SPAG16: variants seen among roughly 807,000 people sequenced by gnomAD.
The protein encoded by SPAG16 is sperm-associated antigen 16 protein.
A neutral mutation model predicts 80.4 loss-of-function variants in SPAG16; 86 were observed. That is an observed-to-expected ratio of 1.07 (90% CI 0.90 to 1.28). SPAG16 has a LOEUF of 1.28. Ranked by LOEUF, SPAG16 falls within the 50% of genes most tolerant of loss-of-function variation. The pLI, the probability that SPAG16 is intolerant of heterozygous loss-of-function variation, is 0.00. For missense variants in SPAG16, 870 were observed against 765.3 expected (o/e 1.14, Z -1.61); for synonymous variants, 294 against 265.9 (o/e 1.11, Z -1.03).
intron 15 of SPAG16, among the ~76,000 whole-genome samples, chr2:214,169,654 CT>C (rs1484075275): frequency 2.0e-5 from 3 of 152,152 alleles, no homozygotes; most frequent in African/African-American, 7.2e-5. Context: ...TACATATTCT[CT>C]TCTTAGAGAC....
chr2:214,059,434 C>T (rs1484114755), intron 13 of SPAG16, among the ~76,000 whole-genome samples: 1 of 151,014 alleles, frequency 6.6e-6, no homozygotes, highest in East Asian at 1.9e-4. Flanking sequence ...GGATCTGTTT[C>T]TTATGATTAT....
chr2:213,863,244 C>G (rs1271691827), intron 11 of SPAG16, among the ~76,000 whole-genome samples: 1 of 152,142 alleles, frequency 6.6e-6, no homozygotes, highest in African/African-American at 2.4e-5. Flanking sequence ...ATCCTGTTTT[C>G]TGCTCATCAT....
chr2:214,048,488 G>A (rs2049460750), intron 13 of SPAG16, among the ~76,000 whole-genome samples: 1 of 151,964 alleles, frequency 6.6e-6, no homozygotes, highest in Non-Finnish European at 1.5e-5. Flanking sequence ...TCACTTACTT[G>A]TGGAAGCTAA....
At chr2:214,037,532 C>T (rs2048761504) in intron 13 of SPAG16, among the ~76,000 whole-genome samples, 1 of 152,046 alleles carries the variant, frequency 6.6e-6, no homozygotes, top group African/African-American at 2.4e-5. Context: ...TGTATAATAT[C>T]TACCTTACTG....
chr2:214,292,540 T>G (rs897372812), intron 15 of SPAG16, among the ~76,000 whole-genome samples: 2 of 152,178 alleles, frequency 1.3e-5, no homozygotes, highest in Non-Finnish European at 2.9e-5. Context: ...AAATTTCTCA[T>G]TCATATCCTG....
intron 13 of SPAG16, among the ~76,000 whole-genome samples, chr2:214,066,674 A>G (rs1201519331): frequency 1.3e-5 from 2 of 152,190 alleles, no homozygotes; most frequent in Non-Finnish European, 2.9e-5. Flanking sequence ...AAAAACACTC[A>G]ATAAACTCAA....
rs1429971208 is a variant in SPAG16, at chr2:213,645,723, G to A, written c.1070+155633G>A. Among the ~76,000 whole-genome samples, 5 of 152,116 alleles carry A rather than the reference G, an allele frequency of 3.3e-5. No homozygotes were observed. The South Asian group carries it at 8.3e-4, about 25-fold the overall frequency. On this transcript the variant is annotated intron_variant, in intron 10 of 15. Coordinates refer to ENST00000331683, the MANE Select transcript of SPAG16 (RefSeq NM_024532.5). ...CTCTGCAACTTGGGGATTAGGGGAG[G>A]GGTGATGCCAGCTCTCCCTTGGCTG...
chr2:213,827,624 A>G (rs2073382044), intron 10 of SPAG16, among the ~76,000 whole-genome samples: 1 of 152,064 alleles, frequency 6.6e-6, no homozygotes, highest in Non-Finnish European at 1.5e-5. Flanking sequence ...TGACCTTTGT[A>G]TCTTCAGATG....
At chr2:213,717,360 C>T (rs1214632089) in intron 10 of SPAG16, among the ~76,000 whole-genome samples, 4 of 151,984 alleles carry the variant, frequency 2.6e-5, no homozygotes, top group South Asian at 2.1e-4. Flanking sequence ...CAGGGTTTCA[C>T]CATGTTAGCC....
intron 12 of SPAG16, among the ~76,000 whole-genome samples, chr2:213,991,907 T>C (rs1181476112): frequency 3.3e-5 from 5 of 150,988 alleles, no homozygotes; most frequent in African/African-American, 9.8e-5. Context: ...GTTTCAGTGA[T>C]TCACGGGCAC....
chr2:213,354,133 G>A (rs895344999), intron 7 of SPAG16, among the ~76,000 whole-genome samples: 1 of 152,170 alleles, frequency 6.6e-6, no homozygotes, highest in African/African-American at 2.4e-5. Flanking sequence ...AGAACATGCG[G>A]TGTTTGGTTT....
rs184414960 is a variant in SPAG16, at chr2:214,222,371, C to T, written c.1720+73105C>T. Among the ~76,000 whole-genome samples, 753 of 152,142 alleles carry T rather than the reference C, an allele frequency of 4.9e-3. 5 individuals are homozygous for T. The highest frequency in any genetic ancestry group is 0.017 in the African/African-American group (712 of 41,526). Reference sequence around the variant, plus strand: ...ACCTCAGGTGATCCACCCGCCTTGGCCTCCCAAAGTGCTGAGATTACAGGC... The same window carrying T: ...ACCTCAGGTGATCCACCCGCCTTGGTCTCCCAAAGTGCTGAGATTACAGGC... On this transcript the variant is annotated intron_variant, in intron 15 of 15. Transcript: ENST00000331683.
intron 14 of SPAG16, among the ~76,000 whole-genome samples, chr2:214,109,735 A>T (rs16851496): frequency 1.3e-5 from 2 of 152,124 alleles, no homozygotes; most frequent in East Asian, 3.9e-4. Context: ...AATTTTCTGT[A>T]GTGAGCCAAT....
At chr2:213,885,890 G>A (rs1033838079) in intron 11 of SPAG16, among the ~76,000 whole-genome samples, 1 of 152,114 alleles carries the variant, frequency 6.6e-6, no homozygotes, top group African/African-American at 2.4e-5. Flanking sequence ...CTGAGATTCT[G>A]AATTACATAT....
intron 10 of SPAG16, among the ~76,000 whole-genome samples, chr2:213,496,957 T>C (rs1316659413): frequency 1.3e-5 from 2 of 151,714 alleles, no homozygotes; most frequent in African/African-American, 2.4e-5. Context: ...GCCAAGTCTA[T>C]ATTTAAATTT....
chr2:213,724,311 A>G (rs1036428544), intron 10 of SPAG16, among the ~76,000 whole-genome samples: 29 of 152,354 alleles, frequency 1.9e-4, no homozygotes, highest in South Asian at 1.9e-3. Flanking sequence ...GGAGTAAAAC[A>G]CAAAGGTATT....
chr2:214,053,166 A>G (rs2049752364), intron 13 of SPAG16, among the ~76,000 whole-genome samples: 1 of 152,220 alleles, frequency 6.6e-6, no homozygotes, highest in African/African-American at 2.4e-5. Context: ...TGGAAAGGGT[A>G]TTGCATAAAA....
chr2:214,354,399 T>G (rs1187082883), intron 15 of SPAG16, among the ~76,000 whole-genome samples: 1 of 152,312 alleles, frequency 6.6e-6, no homozygotes, highest in Non-Finnish European at 1.5e-5. Context: ...TTGGTTACTG[T>G]AGAGTTGTAG....
chr2:213,601,691 A>G (rs2061068144), intron 10 of SPAG16, among the ~76,000 whole-genome samples: 1 of 152,242 alleles, frequency 6.6e-6, no homozygotes, highest in Non-Finnish European at 1.5e-5. Context: ...TAATATTGCA[A>G]CATCATATTT....
Sources: allele counts gnomAD v4.1 joint callset (sites outside exome capture counted in the v4.1 genomes callset), GRCh38; gene constraint gnomAD v4.1.1; transcripts MANE v1.5; gene names NCBI Gene and HGNC (gene_info 2026-07-23, HGNC 2026-07-21).